The following AGAP1 variants were observed in gnomAD, a reference collection of about 807,000 sequenced individuals.
AGAP1 encodes the protein arf-GAP with GTPase, ANK repeat and PH domain-containing protein 1.
A neutral mutation model predicts 105.3 loss-of-function variants in AGAP1; 29 were observed. The ratio of observed to expected loss-of-function variants is 0.28; its 90% CI spans 0.21 to 0.38. The LOEUF (loss-of-function observed/expected upper bound fraction) is 0.38. Ranked by LOEUF, AGAP1 falls within the 10% of genes least tolerant of loss-of-function variation. The pLI is 1.00. For missense variants in AGAP1, 998 were observed against 1,165.1 expected (o/e 0.86, Z 2.09); for synonymous variants, 509 against 485.9 (o/e 1.05, Z -0.63).
In AGAP1 at chr2:236,061,496, G is replaced by A. The variant is rs987132134; in HGVS notation, c.2114+12215G>A. Among the ~76,000 whole-genome samples, 19 of 152,340 alleles carry A rather than the reference G, an allele frequency of 1.2e-4. No individual in the cohort carries two copies. The highest frequency in any genetic ancestry group is 2.6e-4 in the African/African-American group (11 of 41,568). ...TGGGTGAACAAAACATGGTCTGTCC[G>A]TACACCAGAACGTGATTCTGCCATG... On this transcript the variant is annotated intron_variant, in intron 16 of 17. Transcript: ENST00000304032. The surrounding 1 kb of genome is among the most constrained non-coding windows in gnomAD (Gnocchi z 4.1).
chr2:235,890,362 A>T (rs187994550), intron 10 of AGAP1, among the ~76,000 whole-genome samples: 1 of 151,864 alleles, frequency 6.6e-6, no homozygotes, highest in South Asian at 2.1e-4. Context: ...ATGTTGCCCA[A>T]GCTGGTCTCA....
At chr2:235,765,746 G>A (rs140882811) in intron 6 of AGAP1, among the ~76,000 whole-genome samples, 422 of 152,312 alleles carry the variant, frequency 2.8e-3, no homozygotes, top group Middle Eastern at 0.017. Context: ...GAATTCTGGA[G>A]TTTCAGAAAA....
At chr2:235,636,089 G>A (rs1946989486) in intron 1 of AGAP1, among the ~76,000 whole-genome samples, 2 of 150,948 alleles carry the variant, frequency 1.3e-5, no homozygotes, top group Admixed American at 1.3e-4. Flanking sequence ...CTCCAGCCTG[G>A]GCAACAAGAG....
chr2:235,854,838 A>C (rs996848433), intron 9 of AGAP1, among the ~76,000 whole-genome samples: 4 of 152,196 alleles, frequency 2.6e-5, no homozygotes, highest in African/African-American at 9.7e-5. Context: ...CAAATGAGAA[A>C]CAATTCTTTA....
In AGAP1 at chr2:235,961,200, C is replaced by T. The variant is rs1246211602; in HGVS notation, c.1484-7262C>T. 6.6e-6 allele frequency among the ~76,000 whole-genome samples: 1 copy of T among 152,188 alleles called. No homozygotes were observed. Among genetic ancestry groups the T allele is most frequent in the Non-Finnish European group, 1.5e-5 (1 of 68,034 alleles). On this transcript the variant is annotated intron_variant, in intron 12 of 17. Transcript: ENST00000304032. The surrounding 1 kb of genome is among the most constrained non-coding windows in gnomAD (Gnocchi z 5.9). ...TCATGTCCCCATGTGGAGAGAGCCA[C>T]GGAGCACAGGGGGCCGGGAGGGGCT... is the stretch of plus-strand genomic sequence containing the variant.
At chr2:235,676,780 T>C (rs1404269956) in intron 1 of AGAP1, among the ~76,000 whole-genome samples, 1 of 152,222 alleles carries the variant, frequency 6.6e-6, no homozygotes, top group African/African-American at 2.4e-5. Flanking sequence ...GAAACAATTA[T>C]ATTAACTTAA....
intron 1 of AGAP1, among the ~76,000 whole-genome samples, chr2:235,522,265 C>T (rs1316855364): frequency 6.6e-6 from 1 of 152,172 alleles, no homozygotes; most frequent in African/African-American, 2.4e-5. Flanking sequence ...GAGAATGTCA[C>T]GTCGGTTGAG....
chr2:235,815,435 G>A (rs1286350279), intron 9 of AGAP1, among the ~76,000 whole-genome samples: 1 of 152,128 alleles, frequency 6.6e-6, no homozygotes, highest in East Asian at 1.9e-4. Flanking sequence ...CCATCTGTAC[G>A]TCATTTAACC....
At chr2:236,047,071 G>A (rs73125510) in intron 15 of AGAP1, among the ~76,000 whole-genome samples, 3,090 of 152,308 alleles carry the variant, frequency 0.02, 96 homozygotes, top group African/African-American at 0.07. Context: ...TGAGGCTGCA[G>A]TGAGCAGTGA....
rs779935162 is a variant in AGAP1, at chr2:236,014,929, C to A, written c.1646-21632C>A. The A allele has an allele frequency of 2.8e-6, 1 of 352,798 alleles. No individual in the cohort carries two copies. Among genetic ancestry groups the A allele is most frequent in the South Asian group, 2.2e-5 (1 of 45,640 alleles). 21.9% of individuals were successfully genotyped at this position (352,798 alleles called of 1,614,324 possible). A position where few individuals can be genotyped will look rare whatever the true frequency, so the allele number is the denominator to read the frequency against. On this transcript the variant is annotated intron_variant, in intron 13 of 17. Coordinates refer to ENST00000304032, the MANE Select transcript of AGAP1 (RefSeq NM_001037131.3). The surrounding 1 kb of genome is among the most constrained non-coding windows in gnomAD (Gnocchi z 6.3). ...CCCACACCTCCACCTGCCTCTTCCC[C>A]TCTCATCCCCTGCCCGCCCCTTCCT... is the stretch of plus-strand genomic sequence containing the variant.
intron 13 of AGAP1, among the ~76,000 whole-genome samples, chr2:236,016,808 G>A (rs1309955293): frequency 6.6e-6 from 1 of 152,132 alleles, no homozygotes; most frequent in East Asian, 1.9e-4. Context: ...ACTAAATAGT[G>A]ACTGCATATC....
At chr2:235,715,347 G>T (rs1261192836) in intron 2 of AGAP1, among the ~76,000 whole-genome samples, 1 of 152,148 alleles carries the variant, frequency 6.6e-6, no homozygotes, top group Non-Finnish European at 1.5e-5. Context: ...TGGCCCTCGG[G>T]GTCCTAAGTG....
intron 16 of AGAP1, among the ~76,000 whole-genome samples, chr2:236,084,180 C>T (rs1252108272): frequency 6.6e-6 from 1 of 150,930 alleles, no homozygotes; most frequent in East Asian, 1.9e-4. Context: ...CGGTGGGGAA[C>T]AGCTGTAATG....
At chr2:235,679,540 CT>C (rs1388660875) in intron 1 of AGAP1, among the ~76,000 whole-genome samples, 2 of 152,192 alleles carry the variant, frequency 1.3e-5, no homozygotes, top group African/African-American at 4.8e-5. Context: ...ATAGAGTTCT[CT>C]TTTTTTCCTT....
chr2:235,938,180 C>A (rs1260234741), intron 12 of AGAP1, among the ~76,000 whole-genome samples: 2 of 152,208 alleles, frequency 1.3e-5, no homozygotes, highest in African/African-American at 4.8e-5. Context: ...CAGGCACAGG[C>A]CCCCAGGAGA....
rs562002041 is a variant in AGAP1 at position 235,642,714 on chromosome 2, C to T, written c.164-66465C>T. ...CTTTGCTTCAGGAAGTTACAGCAGC[C>T]ATAGAGGACTCTGCTTATGTGAGAT... On this transcript the variant is annotated intron_variant, in intron 1 of 17. Coordinates refer to ENST00000304032, the MANE Select transcript of AGAP1 (RefSeq NM_001037131.3). The surrounding 1 kb of genome is among the most constrained non-coding windows in gnomAD (Gnocchi z 4.1). 6.6e-6 allele frequency among the ~76,000 whole-genome samples: 1 copy of T among 152,338 alleles called. No individual in the cohort carries two copies. The highest frequency in any genetic ancestry group is 2.1e-4 in the South Asian group (1 of 4,828).
intron 1 of AGAP1, among the ~76,000 whole-genome samples, chr2:235,592,353 C>T (rs1227289485): frequency 4.0e-5 from 6 of 151,686 alleles, no homozygotes; most frequent in Non-Finnish European, 8.8e-5. Context: ...GAGCCATGTT[C>T]TGGGGGGCAG....
intron 13 of AGAP1, among the ~76,000 whole-genome samples, chr2:236,010,476 T>A (rs2056472871): frequency 6.6e-6 from 1 of 152,240 alleles, no homozygotes. Flanking sequence ...AATTAAAGTT[T>A]CTATCACACT....
chr2:236,105,813 G>A lies in AGAP1; in HGVS notation c.2115-14379G>A, dbSNP rs1461167287. ...GGGGTTTCACCATGTTAGCCAGGGT[G>A]GTCTCGATCTCCTGACCTCATGATC... On this transcript the variant is annotated intron_variant, in intron 16 of 17. Coordinates refer to ENST00000304032, the MANE Select transcript of AGAP1 (RefSeq NM_001037131.3). The surrounding 1 kb of genome is among the most constrained non-coding windows in gnomAD (Gnocchi z 4.2). Among the ~76,000 whole-genome samples, 1 of 152,122 alleles carries A rather than the reference G, an allele frequency of 6.6e-6. No homozygotes were observed. The highest frequency in any genetic ancestry group is 1.9e-4 in the East Asian group (1 of 5,164).
Sources: allele counts gnomAD v4.1 joint callset (sites outside exome capture counted in the v4.1 genomes callset), GRCh38; gene constraint gnomAD v4.1.1; non-coding constraint Gnocchi (gnomAD v3.1); transcripts MANE v1.5; gene names NCBI Gene and HGNC (gene_info 2026-07-23, HGNC 2026-07-21).